Variants in SULF1 observed in about 807,000 individuals in gnomAD.
The protein encoded by SULF1 is extracellular sulfatase Sulf-1.
A neutral mutation model predicts 110.5 loss-of-function variants in SULF1; 46 were observed. That is an observed-to-expected ratio of 0.42 (90% confidence interval 0.33 to 0.53). The LOEUF (loss-of-function observed/expected upper bound fraction) is 0.53. Among genes scored for constraint, SULF1 ranks in the 20% least tolerant of loss-of-function variants. SULF1 has a pLI of 0.12. For synonymous variants in SULF1, 371 were observed against 387.1 expected (o/e 0.96, Z 0.49); for missense variants, 941 against 1,094.2 (o/e 0.86, Z 1.98).
chr8:69,621,130 C>T lies in SULF1; in HGVS notation c.1473C>T (p.Asn491=). 6.2e-7 allele frequency: 1 copy of T among 1,614,114 alleles called. No individual in the cohort carries two copies. The highest frequency in any genetic ancestry group is 8.5e-7 in the Non-Finnish European group (1 of 1,179,988). Residue 491 remains asparagine, a synonymous_variant, in exon 14 of 23, where the codon AAC becomes AAT. Coordinates refer to ENST00000402687, the MANE Select transcript of SULF1 (RefSeq NM_001128205.2). The part of the protein sequence containing the change: ...DLLTVRQSTR[N]LYARGFHDKD... ...TCACAGTCCGGCAGAGCACGCGGAACCTCTACGCTCGCGGCTTCCATGACA... is the reference window on the plus strand; with the variant it reads ...TCACAGTCCGGCAGAGCACGCGGAATCTCTACGCTCGCGGCTTCCATGACA...
intron 5 of SULF1, 44 bp downstream of exon 5, chr8:69,564,191 T>C: frequency 1.2e-6 from 2 of 1,602,820 alleles, no homozygotes; most frequent in Non-Finnish European, 1.7e-6. Flanking sequence ...TTTGTTCAGA[T>C]GATTTCTCGA....
At chr8:69,537,920 T>C (rs1480767404) in intron 3 of SULF1, among the ~76,000 whole-genome samples, 2 of 76,178 alleles carry the variant, frequency 2.6e-5, no homozygotes, top group African/African-American at 4.4e-5. Flanking sequence ...GAATAGAAAA[T>C]TGAAAAAAAA....
chr8:69,647,132 A>G (rs1162140317), intron 22 of SULF1, among the ~76,000 whole-genome samples: 2 of 151,420 alleles, frequency 1.3e-5, no homozygotes, highest in Non-Finnish European at 1.5e-5. Context: ...TTTAGTAGAG[A>G]TGGGGTTTCA....
intron 13 of SULF1, among the ~76,000 whole-genome samples, chr8:69,620,208 T>A (rs1809496070): frequency 6.6e-6 from 1 of 152,138 alleles, no homozygotes; most frequent in Admixed American, 6.5e-5. Flanking sequence ...TCCTCTTCTG[T>A]CTTTCTCTGC....
chr8:69,626,724 C>T (rs1448232901), intron 15 of SULF1, among the ~76,000 whole-genome samples: 2 of 152,248 alleles, frequency 1.3e-5, no homozygotes, highest in Non-Finnish European at 2.9e-5. Context: ...GTGCTAAGCC[C>T]CTCACTGCCC....
chr8:69,562,339 G>A (rs914056458), intron 3 of SULF1, among the ~76,000 whole-genome samples: 1 of 152,230 alleles, frequency 6.6e-6, no homozygotes, highest in African/African-American at 2.4e-5. Context: ...AGGGCATGAA[G>A]TTGAGAGATG....
Position 69,542,422 on chromosome 8 carries a change from T to C in SULF1, c.-133-21117T>C, listed in dbSNP as rs146896503. On this transcript the variant is annotated intron_variant, in intron 3 of 22. Coordinates refer to ENST00000402687, the MANE Select transcript of SULF1 (RefSeq NM_001128205.2). ...GCAATGTGTGTCCCCAGTGTGGTCA[T>C]GATGGAGTGTTCTGTGGTGTAGCAG... is the stretch of plus-strand genomic sequence containing the variant. Among the ~76,000 whole-genome samples the C allele has an allele frequency of 1.6e-4, 24 of 152,174 alleles. No individual in the cohort carries two copies. The East Asian group carries it at 4.1e-3, about 26-fold the overall frequency.
chr8:69,578,956 G>A (rs1805848290), intron 6 of SULF1, among the ~76,000 whole-genome samples: 1 of 151,900 alleles, frequency 6.6e-6, no homozygotes. Flanking sequence ...GAGGTCAGGA[G>A]ATCGAGACCA....
At chr8:69,542,117 A>G (rs1227291575) in intron 3 of SULF1, among the ~76,000 whole-genome samples, 1 of 152,226 alleles carries the variant, frequency 6.6e-6, no homozygotes, top group Non-Finnish European at 1.5e-5. Flanking sequence ...TTCTTCCCAG[A>G]GAGCTGGTGA....
intron 8 of SULF1, chr8:69,597,197 G>A (rs546901389): frequency 6.6e-6 from 1 of 152,348 alleles, no homozygotes; most frequent in East Asian, 1.9e-4. Flanking sequence ...GGGAACAGAA[G>A]GCCGCATCTT....
Position 69,621,035 on chromosome 8 carries a change from A to C in SULF1, c.1378A>C (p.Lys460Gln), listed in dbSNP as rs199539739. Reference sequence around the variant, plus strand: ...ACTGCTTTCACGTTGGCTTTTGCAGAAGTGGCAATGCATTGAGGATACATC... The same window carrying C: ...ACTGCTTTCACGTTGGCTTTTGCAGCAGTGGCAATGCATTGAGGATACATC... ...YQTACEQPGQ[K>Q]WQCIEDTSGK... The change falls in exon 14 of 23, where the codon AAG (lysine) becomes CAG (glutamine). Residue 460 changes from lysine (K) to glutamine (Q), a missense_variant and splice_region_variant. By Grantham distance (53) the Lys-to-Gln change is moderately conservative. Around this residue, in one of 3 missense-constraint regions of SULF1, gnomAD observed 822 missense variants for 934.3 expected, o/e 0.88. Coordinates refer to ENST00000402687, the MANE Select transcript of SULF1 (RefSeq NM_001128205.2). 1.9e-6 allele frequency: 3 copies of C among 1,592,546 alleles called. No homozygotes were observed. Among genetic ancestry groups the C allele is most frequent in the Non-Finnish European group, 1.7e-6 (2 of 1,163,538 alleles).
intron 22 of SULF1, among the ~76,000 whole-genome samples, chr8:69,643,108 C>T (rs1811611809): frequency 6.6e-6 from 1 of 152,150 alleles, no homozygotes; most frequent in Non-Finnish European, 1.5e-5. Flanking sequence ...GTCCATAGGG[C>T]AAGCCATCTT....
intron 6 of SULF1, among the ~76,000 whole-genome samples, chr8:69,579,485 G>T (rs1805900436): frequency 6.7e-6 from 1 of 149,192 alleles, no homozygotes; most frequent in Non-Finnish European, 1.5e-5. Context: ...GGAGGCAGAG[G>T]TTGCAGTGAG....
intron 2 of SULF1, among the ~76,000 whole-genome samples, chr8:69,498,188 C>A (rs1283713332): frequency 2.0e-5 from 3 of 151,720 alleles, no homozygotes; most frequent in African/African-American, 7.3e-5. Context: ...TGAGTCATGA[C>A]TTACAGAAAA....
intron 8 of SULF1, 79 bp from the exon 9 acceptor site, chr8:69,600,524 T>C (rs1329367259): frequency 4.8e-5 from 66 of 1,373,816 alleles, no homozygotes; most frequent in Non-Finnish European, 6.4e-5. Context: ...TCCTTAATGA[T>C]TATTTCACAA....
At chr8:69,488,638 C>A (rs1367531792), upstream of SULF1, among the ~76,000 whole-genome samples, 1 of 152,090 alleles carries the variant, frequency 6.6e-6, no homozygotes, top group African/African-American at 2.4e-5. Context: ...TTTTTCTATT[C>A]AGCCTCCTCT....
intron 5 of SULF1, among the ~76,000 whole-genome samples, chr8:69,564,623 G>A (rs1815734861): frequency 6.6e-6 from 1 of 152,182 alleles, no homozygotes; most frequent in African/African-American, 2.4e-5. Flanking sequence ...AAGTTGCAGT[G>A]TTCTATATGT....
intron 1 of SULF1, among the ~76,000 whole-genome samples, chr8:69,479,878 T>C (rs939534761): frequency 1.3e-5 from 2 of 152,306 alleles, no homozygotes; most frequent in African/African-American, 4.8e-5. Flanking sequence ...GTGTCCACTT[T>C]ACATTGGGAC....
chr8:69,645,074 G>T (rs1056003061), intron 22 of SULF1, among the ~76,000 whole-genome samples: 1 of 152,168 alleles, frequency 6.6e-6, no homozygotes, highest in African/African-American at 2.4e-5. Context: ...GGTGAAAGTC[G>T]TTAGGGTATA....
Sources: allele counts gnomAD v4.1 joint callset (sites outside exome capture counted in the v4.1 genomes callset), GRCh38; gene constraint gnomAD v4.1.1; regional missense constraint gnomAD v4.1.1; transcripts MANE v1.5; gene names NCBI Gene and HGNC (gene_info 2026-07-23, HGNC 2026-07-21).